The following C11orf65 variants were observed in gnomAD, a reference collection of about 807,000 sequenced individuals.
The protein encoded by C11orf65 is protein MFI.
Under a neutral mutation model 35.3 loss-of-function variants are expected in C11orf65, and 38 were observed. That is an observed-to-expected ratio of 1.08 (90% CI 0.83 to 1.41). The LOEUF is 1.41. Ranked by LOEUF, C11orf65 falls within the 40% of genes most tolerant of loss-of-function variation. The pLI is 0.00. For missense variants in C11orf65, 370 were observed against 367.1 expected, an observed-to-expected ratio of 1.01 and a Z score of -0.06; for synonymous variants, 105 against 114.4, an observed-to-expected ratio of 0.92 and a Z score of 0.53.
At chr11:108,432,124 G>A (rs2092998497) in intron 2 of C11orf65, among the ~76,000 whole-genome samples, 1 of 152,072 alleles carries the variant, frequency 6.6e-6, no homozygotes, top group African/African-American at 2.4e-5. Flanking sequence ...ACTCTCCAGA[G>A]TAATCTAGAA....
At position 108,396,606 on chromosome 11, in the gene C11orf65, C is replaced by T. The variant is rs187645180; in HGVS notation, c.561-3228G>A. Among the ~76,000 whole-genome samples the T allele has an allele frequency of 8.1e-4, 123 of 151,408 alleles. 1 individual carries two copies. The highest frequency in any genetic ancestry group is 2.6e-3 in the African/African-American group (109 of 41,360). ...CAACACTTTGGGAGGCCAAGGCGGG[C>T]GGATCACGAGGTCAGGAGATTGAGA... On this transcript the variant is annotated intron_variant, in intron 6 of 8. Coordinates refer to ENST00000393084, the MANE Select transcript of C11orf65 (RefSeq NM_152587.5).
intron 3 of C11orf65, among the ~76,000 whole-genome samples, chr11:108,430,939 CACACACAG>C (rs1489223448): frequency 1.6e-3 from 150 of 95,906 alleles, no homozygotes; most frequent in African/African-American, 5.5e-3. Context: ...CACACACACA[CACACACAG>C]AGGAGAGTTG....
chr11:108,309,177 C>T, intron 6 of C11orf65: 1 of 589,056 alleles, frequency 1.7e-6, no homozygotes, highest in Middle Eastern at 4.5e-4. Flanking sequence ...GTATGTTGGG[C>T]AAAAACAAAG....
chr11:108,316,577 G>C (rs1040040195), intron 6 of C11orf65, among the ~76,000 whole-genome samples: 1 of 151,824 alleles, frequency 6.6e-6, no homozygotes, highest in Non-Finnish European at 1.5e-5. Context: ...CTCTATTTTT[G>C]TGTTTTTTGG....
chr11:108,361,162 CAGAG>C (rs1172993451), intron 2 of C11orf65, among the ~76,000 whole-genome samples: 7 of 129,804 alleles, frequency 5.4e-5, no homozygotes, highest in African/African-American at 1.8e-4. Flanking sequence ...AACAGACAAA[CAGAG>C]AGCCAAATCA....
chr11:108,362,744 A>T (rs2137751226), intron 2 of C11orf65, among the ~76,000 whole-genome samples: 1 of 145,082 alleles, frequency 6.9e-6, no homozygotes, highest in Non-Finnish European at 1.5e-5. Context: ...GTGGGAATTG[A>T]ACAATGAGAA....
chr11:108,345,792 T>C (rs1565563429), intron 2 of C11orf65: 1 of 1,613,802 alleles, frequency 6.2e-7, no homozygotes, highest in East Asian at 2.2e-5. Context: ...TTCATGGATG[T>C]TTGCCAAAAT....
At chr11:108,329,105 C>T (rs149827260), downstream of C11orf65, 86 of 1,614,020 alleles carry the variant, frequency 5.3e-5, no homozygotes, top group African/African-American at 1.0e-3. Flanking sequence ...CTCATTAGCC[C>T]GGTTTTCAGA....
rs864622593 is a variant in C11orf65, at chr11:108,326,216, C to T, written c.641-17145G>A. On this transcript the variant is annotated intron_variant, in intron 6 of 6. Coordinates refer to the C11orf65 transcript ENST00000525729. ...AAATGATCAAGAAGTTGGATGCCAG[C>T]TGTGCAGCGGTTTGTTTTTTTTATT... 2.5e-6 allele frequency: 4 copies of T among 1,613,878 alleles called. No homozygotes were observed. The African/African-American group carries it at 4.0e-5, about 16-fold the overall frequency.
At chr11:108,463,606 A>C (rs537557376) in intron 1 of C11orf65, among the ~76,000 whole-genome samples, 1 of 152,282 alleles carries the variant, frequency 6.6e-6, no homozygotes, top group South Asian at 2.1e-4. Flanking sequence ...GATTTTGCCG[A>C]AGTTACTTAA....
chr11:108,379,051 T>C (rs924530233), downstream of C11orf65, among the ~76,000 whole-genome samples: 4 of 152,060 alleles, frequency 2.6e-5, no homozygotes, highest in East Asian at 1.9e-4. Flanking sequence ...AGTTCAACCA[T>C]TGTGGAAGTC....
At chr11:108,454,526 G>A (rs997146629) in intron 2 of C11orf65, among the ~76,000 whole-genome samples, 8 of 152,080 alleles carry the variant, frequency 5.3e-5, no homozygotes, top group East Asian at 1.9e-4. Flanking sequence ...TTGAACTCCC[G>A]ACCTCAGGTG....
Position 108,393,640 on chromosome 11 carries a change from T to C in C11orf65, c.561-262A>G, listed in dbSNP as rs565080774. Among the ~76,000 whole-genome samples, 49 of 152,294 alleles carry C rather than the reference T, an allele frequency of 3.2e-4. 1 individual carries two copies. The South Asian group carries it at 7.7e-3, about 24-fold the overall frequency. ...ATGATACGAAGAAAAACTAAGTTAT[T>C]AAATTGTTGAATCTTAGAATTATAG... On this transcript the variant is annotated intron_variant, in intron 6 of 8. Transcript: ENST00000393084.
chr11:108,437,707 T>TAAAAAAAAAAAAA (rs145337876), intron 2 of C11orf65, among the ~76,000 whole-genome samples: 15 of 38,030 alleles, frequency 3.9e-4, no homozygotes, highest in Non-Finnish European at 4.3e-4. Flanking sequence ...GACTCAGTCT[T>TAAAAAAAAAAAAA]AAAAAAAAAA....
intron 2 of C11orf65, among the ~76,000 whole-genome samples, chr11:108,359,345 T>C (rs1322302597): frequency 6.6e-6 from 1 of 151,980 alleles, no homozygotes; most frequent in Non-Finnish European, 1.5e-5. Context: ...ACATTAATAA[T>C]GGGAGACTTT....
chr11:108,313,413 T>TC (rs1445019222), intron 6 of C11orf65, among the ~76,000 whole-genome samples: 1 of 152,118 alleles, frequency 6.6e-6, no homozygotes, highest in Non-Finnish European at 1.5e-5. Context: ...TGTCTGCATT[T>TC]CCCCCCCTTC....
chr11:108,367,247 A>C (rs190315580), intron 2 of C11orf65: 3 of 179,310 alleles, frequency 1.7e-5, no homozygotes. Context: ...TCGGCCTCCC[A>C]AAGTGCTGGG....
rs80226715 is a variant in C11orf65, at chr11:108,367,390, C to G, written c.226+25818G>C. On this transcript the variant is annotated intron_variant, in intron 2 of 3. Transcript: ENST00000524755. ...ATTTTATCCAGCATTTCTCTGTGTT[C>G]TGTTGGAAGGGAAGGGCTTAGGTAT... 0.013 allele frequency: 2,556 copies of G among 195,180 alleles called. 61 individuals carry two copies. The highest frequency in any genetic ancestry group is 0.056 in the African/African-American group (2,398 of 43,198). 12.1% of individuals were successfully genotyped at this position (195,180 alleles called of 1,614,324 possible).
intron 2 of C11orf65, among the ~76,000 whole-genome samples, chr11:108,451,737 G>T (rs371761576): frequency 6.6e-6 from 1 of 152,102 alleles, no homozygotes; most frequent in African/African-American, 2.4e-5. Context: ...GAGGCATCAC[G>T]CTACCTGACT....
Sources: allele counts gnomAD v4.1 joint callset (sites outside exome capture counted in the v4.1 genomes callset), GRCh38; gene constraint gnomAD v4.1.1; transcripts MANE v1.5; gene names NCBI Gene and HGNC (gene_info 2026-07-23, HGNC 2026-07-21).